ATG7: variants seen among roughly 807,000 people sequenced by gnomAD.
The protein encoded by ATG7 is autophagy related 7, also known as ubiquitin-like modifier-activating enzyme ATG7.
A neutral mutation model predicts 82.4 loss-of-function variants in ATG7; 70 were observed. The ratio of observed to expected loss-of-function variants is 0.85; its 90% CI spans 0.70 to 1.04. The LOEUF (loss-of-function observed/expected upper bound fraction) is 1.04, where lower values mean the gene tolerates loss of function less well. Ranked by LOEUF, ATG7 falls within the 50% of genes least tolerant of loss-of-function variation. The pLI is 0.00. For synonymous variants in ATG7, 287 were observed against 313.0 expected, an observed-to-expected ratio of 0.92 and a Z score of 0.88; for missense variants, 792 against 864.3, an observed-to-expected ratio of 0.92 and a Z score of 1.05.
intron 20 of ATG7, among the ~76,000 whole-genome samples, chr3:11,552,208 A>G (rs999215700): frequency 1.3e-5 from 2 of 152,152 alleles, no homozygotes; most frequent in African/African-American, 2.4e-5. Flanking sequence ...GTGTGCTTTG[A>G]TATTACCTAC....
chr3:11,466,494 G>T (rs375899505), intron 20 of ATG7, among the ~76,000 whole-genome samples: 1 of 152,216 alleles, frequency 6.6e-6, no homozygotes, highest in Non-Finnish European at 1.5e-5. Flanking sequence ...CCCAGTGGGA[G>T]AAAAATGTAA....
chr3:11,486,976 C>G (rs1204751945), intron 20 of ATG7, among the ~76,000 whole-genome samples: 1 of 151,692 alleles, frequency 6.6e-6, no homozygotes. Flanking sequence ...GCAGAGGACC[C>G]TGCGGCCTTC....
intron 3 of ATG7, among the ~76,000 whole-genome samples, chr3:11,293,933 G>T (rs544160794): frequency 7.3e-4 from 109 of 149,776 alleles, no homozygotes; most frequent in Non-Finnish European, 1.4e-3. Flanking sequence ...CAGGAGAATC[G>T]CTTGAACCTG....
At chr3:11,395,591 T>C (rs534840010) in intron 19 of ATG7, among the ~76,000 whole-genome samples, 1 of 152,294 alleles carries the variant, frequency 6.6e-6, no homozygotes, top group South Asian at 2.1e-4. Flanking sequence ...ACTTCTTTAG[T>C]GTGCTGAAGG....
intron 20 of ATG7, among the ~76,000 whole-genome samples, chr3:11,546,513 G>T (rs1383083008): frequency 1.3e-5 from 2 of 152,066 alleles, no homozygotes; most frequent in Non-Finnish European, 2.9e-5. Context: ...CGCTTTTAAC[G>T]GACACACAGA....
intron 9 of ATG7, among the ~76,000 whole-genome samples, chr3:11,320,397 C>G (rs1950058896): frequency 6.6e-6 from 1 of 152,078 alleles, no homozygotes; most frequent in African/African-American, 2.4e-5. Context: ...AGTGATTCCT[C>G]CTGCCTCAGC....
intron 20 of ATG7, among the ~76,000 whole-genome samples, chr3:11,498,855 T>C (rs1376938988): frequency 6.6e-6 from 1 of 152,224 alleles, no homozygotes; most frequent in East Asian, 1.9e-4. Flanking sequence ...CTGAAATGGC[T>C]GCCGATCCTA....
chr3:11,538,677 T>TAAAAAAA (rs560029572), intron 20 of ATG7, among the ~76,000 whole-genome samples: 1 of 47,640 alleles, frequency 2.1e-5, no homozygotes, highest in Admixed American at 4.1e-4. Context: ...ACTCCGTCTC[T>TAAAAAAA]AAAAAAAAAA....
At chr3:11,413,733 C>T (rs1224635220) in intron 19 of ATG7, among the ~76,000 whole-genome samples, 1 of 152,194 alleles carries the variant, frequency 6.6e-6, no homozygotes, top group Non-Finnish European at 1.5e-5. Context: ...TGTCAGGCTA[C>T]TGCTGGCCTC....
chr3:11,372,744 G>C (rs190425331), intron 18 of ATG7, among the ~76,000 whole-genome samples: 1 of 151,170 alleles, frequency 6.6e-6, no homozygotes, highest in African/African-American at 2.4e-5. Flanking sequence ...GGGAGGCAAG[G>C]TTTGGTCACT....
chr3:11,309,577 A>G (rs1948322768), intron 7 of ATG7, among the ~76,000 whole-genome samples: 1 of 152,028 alleles, frequency 6.6e-6, no homozygotes, highest in Non-Finnish European at 1.5e-5. Context: ...CCCAGTGAAG[A>G]AGGGGTAGGA....
At chr3:11,439,159 C>G (rs980422132) in intron 20 of ATG7, among the ~76,000 whole-genome samples, 1 of 146,560 alleles carries the variant, frequency 6.8e-6, no homozygotes, top group Non-Finnish European at 1.5e-5. Flanking sequence ...ACCTCCGTCT[C>G]CCAGGTTCAA....
chr3:11,571,334 C>G, the ATG7 span, among the ~76,000 whole-genome samples: 1 of 152,208 alleles, frequency 6.6e-6, no homozygotes, highest in Non-Finnish European at 1.5e-5. Flanking sequence ...GCGAATGCCG[C>G]CACAGCCAGC....
chr3:11,443,967 C>G (rs2084262078), intron 20 of ATG7, among the ~76,000 whole-genome samples: 1 of 152,182 alleles, frequency 6.6e-6, no homozygotes, highest in Non-Finnish European at 1.5e-5. Flanking sequence ...CTAGAAGTAA[C>G]TAGTAACTAG....
rs111261379 is a variant in ATG7, at chr3:11,554,795, C to T, written c.2080-16C>T. On this transcript the variant is annotated splice_polypyrimidine_tract_variant and intron_variant, in intron 20 of 20. Coordinates refer to ENST00000693202, the MANE Select transcript of ATG7 (RefSeq NM_001349232.2). The stretch of plus-strand genomic sequence containing the variant: ...AGTGGGACATCTCGGCTGAGCCTCT[C>T]CCCTTCTCCATGCAGATCTGGGACA... 1.9e-5 allele frequency: 31 copies of T among 1,613,216 alleles called. No individual in the cohort carries two copies. The African/African-American group carries it at 2.7e-4, about 14-fold the overall frequency.
chr3:11,370,112 C>T (rs2076892226), intron 18 of ATG7, among the ~76,000 whole-genome samples: 1 of 151,174 alleles, frequency 6.6e-6, no homozygotes, highest in African/African-American at 2.4e-5. Flanking sequence ...TAGCACAGTT[C>T]TGGGCACATA....
At chr3:11,397,611 C>G (rs1268499485) in intron 19 of ATG7, among the ~76,000 whole-genome samples, 1 of 151,784 alleles carries the variant, frequency 6.6e-6, no homozygotes, top group Non-Finnish European at 1.5e-5. Flanking sequence ...CACATGCCAT[C>G]TTGCCTGGCT....
At chr3:11,464,808 T>G (rs2086666839) in intron 20 of ATG7, among the ~76,000 whole-genome samples, 1 of 152,210 alleles carries the variant, frequency 6.6e-6, no homozygotes, top group Admixed American at 6.5e-5. Flanking sequence ...ACTGCTTCTT[T>G]GCTGTGTGAC....
chr3:11,272,567 G>C (rs773211172), intron 1 of ATG7, 137 bp downstream of exon 1: 3 of 152,632 alleles, frequency 2.0e-5, no homozygotes, highest in Non-Finnish European at 4.4e-5. Flanking sequence ...CAGTTTCTGG[G>C]TGGTCCTTCC....
Sources: allele counts gnomAD v4.1 joint callset (sites outside exome capture counted in the v4.1 genomes callset), GRCh38; gene constraint gnomAD v4.1.1; transcripts MANE v1.5; gene names NCBI Gene and HGNC (gene_info 2026-07-23, HGNC 2026-07-21).